The following KLF8 variants were observed in gnomAD, a reference collection of about 807,000 sequenced individuals.
KLF8 encodes the protein KLF transcription factor 8, also known as Krueppel-like factor 8.
A neutral mutation model predicts 18.2 loss-of-function variants in KLF8; 10 were observed. The ratio of observed to expected loss-of-function variants is 0.55; its 90% CI spans 0.34 to 0.93. The LOEUF (loss-of-function observed/expected upper bound fraction) is 0.93, where lower values mean the gene tolerates loss of function less well. KLF8 is among the 40% of genes least tolerant of loss of function. KLF8 has a pLI of 0.02. For synonymous variants in KLF8, 109 were observed against 97.3 expected (o/e 1.12, Z -0.71); for missense variants, 264 against 277.9 (o/e 0.95, Z 0.36).
the KLF8 span, among the ~76,000 whole-genome samples, chrX:56,059,290 C>T: frequency 1.3e-4 from 14 of 111,562 alleles, no homozygotes; most frequent in African/African-American, 3.6e-4. Flanking sequence ...AATTTTTTCC[C>T]GTTCTGTAGG....
At chrX:55,983,975 T>C in the KLF8 span, among the ~76,000 whole-genome samples, 1 of 109,838 alleles carries the variant, frequency 9.1e-6, no homozygotes, top group South Asian at 3.9e-4. Flanking sequence ...TTTATGGCTG[T>C]GTAGTATTCT....
At chrX:56,255,533 T>C (rs773550598) in intron 2 of KLF8, among the ~76,000 whole-genome samples, 1 of 112,508 alleles carries the variant, frequency 8.9e-6, no homozygotes, top group African/African-American at 3.2e-5. Context: ...TTCGATATGA[T>C]ACTAGCTGTG....
At chrX:56,015,332 A>G in the KLF8 span, among the ~76,000 whole-genome samples, 1 of 111,253 alleles carries the variant, frequency 9.0e-6, no homozygotes, top group Non-Finnish European at 1.9e-5. Context: ...TTTCATTCCC[A>G]TCAGCAGTAT....
At chrX:55,990,858 G>A in the KLF8 span, among the ~76,000 whole-genome samples, 1 of 111,368 alleles carries the variant, frequency 9.0e-6, no homozygotes, top group Non-Finnish European at 1.9e-5. Context: ...CATTCCTCTG[G>A]AAGTTTTGTC....
At chrX:56,186,099 A>C in the KLF8 span, among the ~76,000 whole-genome samples, 2 of 112,315 alleles carry the variant, frequency 1.8e-5, no homozygotes, top group Admixed American at 1.9e-4. Flanking sequence ...AAAAGAGTCA[A>C]GACCCATCAG....
chrX:56,035,446 T>C, the KLF8 span, among the ~76,000 whole-genome samples: 1 of 112,121 alleles, frequency 8.9e-6, no homozygotes, highest in Admixed American at 9.4e-5. Context: ...CAGATGTCTC[T>C]TTGACATACT....
the KLF8 span, among the ~76,000 whole-genome samples, chrX:56,020,767 C>G: frequency 9.0e-6 from 1 of 111,393 alleles, no homozygotes; most frequent in East Asian, 2.8e-4. Context: ...ATAAACAAGT[C>G]AAAACCATTT....
the KLF8 span, among the ~76,000 whole-genome samples, chrX:56,048,811 A>G: frequency 8.9e-6 from 1 of 111,776 alleles, no homozygotes; most frequent in East Asian, 2.8e-4. Context: ...GAAGAAAGTC[A>G]TTGGTAGCTT....
At chrX:55,930,926 T>C in the KLF8 span, among the ~76,000 whole-genome samples, 3 of 112,206 alleles carry the variant, frequency 2.7e-5, no homozygotes, top group Non-Finnish European at 5.6e-5. Context: ...ATTCTCTCTT[T>C]TTCTATTTAT....
At chrX:56,205,153 C>CA in the KLF8 span, among the ~76,000 whole-genome samples, 1 of 109,794 alleles carries the variant, frequency 9.1e-6, no homozygotes, top group Non-Finnish European at 1.9e-5. Flanking sequence ...ATTCTCCTGT[C>CA]AAAAAAAATG....
chrX:56,273,163 A>C (rs910058444), intron 5 of KLF8, among the ~76,000 whole-genome samples: 3 of 111,411 alleles, frequency 2.7e-5, no homozygotes, highest in Non-Finnish European at 3.8e-5. Context: ...ACGAACAATT[A>C]TTTTTATTTT....
At chrX:56,201,456 G>T in the KLF8 span, among the ~76,000 whole-genome samples, 3 of 111,400 alleles carry the variant, frequency 2.7e-5, no homozygotes, top group Admixed American at 2.9e-4. Context: ...GGTTGGGGCG[G>T]GGAATGGAGA....
the KLF8 span, among the ~76,000 whole-genome samples, chrX:55,933,002 TTA>T: frequency 2.7e-5 from 3 of 111,973 alleles, no homozygotes; most frequent in Non-Finnish European, 5.6e-5. Flanking sequence ...AAAATTCTGT[TTA>T]TGTCATTTCA....
chrX:56,051,485 A>C, the KLF8 span, among the ~76,000 whole-genome samples: 1 of 109,479 alleles, frequency 9.1e-6, no homozygotes, highest in Non-Finnish European at 1.9e-5. Context: ...ATCTCTCAGC[A>C]TTTGCTTGTC....
chrX:56,269,586 A>C lies in KLF8; in HGVS notation c.758+97A>C, dbSNP rs958503854. 2.9e-6 allele frequency: 3 copies of C among 1,037,328 alleles called. No homozygotes were observed. The East Asian group carries it at 1.1e-4, about 38-fold the overall frequency. 85.5% of individuals were successfully genotyped at this position (1,037,328 alleles called of 1,213,427 possible). A position where few individuals can be genotyped will look rare whatever the true frequency, so the allele number is the denominator to read the frequency against. On this transcript the variant is annotated intron_variant, in intron 4 of 5. Transcript: ENST00000468660. ...ATGTATAGGTGGAACTAATGATCAGACACAAGAGTAAGAATTTGAGGACAA... is the reference window on the plus strand; with the variant it reads ...ATGTATAGGTGGAACTAATGATCAGCCACAAGAGTAAGAATTTGAGGACAA...
chrX:56,245,087 A>C (rs914516564), intron 1 of KLF8, among the ~76,000 whole-genome samples: 1 of 112,533 alleles, frequency 8.9e-6, no homozygotes, highest in Non-Finnish European at 1.9e-5. Context: ...AATGGAAATT[A>C]TATGAAAGCT....
At chrX:56,010,703 A>C in the KLF8 span, among the ~76,000 whole-genome samples, 1 of 112,090 alleles carries the variant, frequency 8.9e-6, no homozygotes, top group Non-Finnish European at 1.9e-5. Flanking sequence ...TGGTGTGCTG[A>C]ATTCAAGAGA....
At chrX:56,174,491 G>T in the KLF8 span, among the ~76,000 whole-genome samples, 1 of 111,768 alleles carries the variant, frequency 8.9e-6, no homozygotes, top group Non-Finnish European at 1.9e-5. Context: ...TGCTGGATTA[G>T]GTTTGCCAGT....
chrX:56,103,603 G>C, the KLF8 span, among the ~76,000 whole-genome samples: 1 of 111,636 alleles, frequency 9.0e-6, no homozygotes, highest in Non-Finnish European at 1.9e-5. Flanking sequence ...AGCTTAAGGA[G>C]ATTTTGGGCT....
Sources: allele counts gnomAD v4.1 joint callset (sites outside exome capture counted in the v4.1 genomes callset), GRCh38; gene constraint gnomAD v4.1.1; transcripts MANE v1.5; gene names NCBI Gene and HGNC (gene_info 2026-07-23, HGNC 2026-07-21).